The following TNNI3K variants were observed in gnomAD, a reference collection of about 807,000 sequenced individuals.
The protein encoded by TNNI3K is serine/threonine-protein kinase TNNI3K.
TNNI3K carries 140 observed loss-of-function variants against 114.5 expected under a neutral mutation model. The observed-to-expected ratio is 1.22, with a 90% confidence interval of 1.07 to 1.41. The LOEUF (loss-of-function observed/expected upper bound fraction) is 1.41, where lower values mean the gene tolerates loss of function less well. Ranked by LOEUF, TNNI3K falls within the 40% of genes most tolerant of loss-of-function variation. The pLI is 0.00. For synonymous variants in TNNI3K, 347 were observed against 347.5 expected (o/e 1.00, Z 0.02); for missense variants, 1,125 against 1,007.6 (o/e 1.12, Z -1.58).
intron 20 of TNNI3K, among the ~76,000 whole-genome samples, chr1:74,448,709 T>G (rs1666836189): frequency 4.1e-5 from 1 of 24,254 alleles, no homozygotes. Flanking sequence ...TTTCTGCATC[T>G]ATTGAGATAA....
At chr1:74,415,777 T>G (rs550954944) in intron 17 of TNNI3K, among the ~76,000 whole-genome samples, 192 of 152,048 alleles carry the variant, frequency 1.3e-3, no homozygotes, top group African/African-American at 4.5e-3. Context: ...ATATATCCCG[T>G]TCTTGGTTTT....
chr1:74,489,203 T>C lies in TNNI3K; in HGVS notation c.2136T>C (p.Phe712=), dbSNP rs1054250653. 2 of 1,611,408 alleles carry C rather than the reference T, an allele frequency of 1.2e-6. No individual in the cohort carries two copies. The highest frequency in any genetic ancestry group is 1.7e-6 in the Non-Finnish European group (2 of 1,178,922). Residue 712 remains phenylalanine (F), a synonymous_variant, in exon 22 of 25, where the codon TTT becomes TTC. Transcript: ENST00000326637. Reference sequence around the variant, plus strand: ...TCTATTTACAGGGAAGACCCGAATTTTCTGAAGTTGTCATGAAGTTAGAAG... The same window carrying C: ...TCTATTTACAGGGAAGACCCGAATTCTCTGAAGTTGTCATGAAGTTAGAAG... ...WNACPEGRPE[F]SEVVMKLEEC... is the part of the protein sequence containing the mutation.
chr1:74,280,518 G>GGA (rs370404185), intron 5 of TNNI3K, among the ~76,000 whole-genome samples: 1 of 151,938 alleles, frequency 6.6e-6, no homozygotes, highest in African/African-American at 2.4e-5. Flanking sequence ...CATGTGTCTG[G>GGA]GAGAGAGAGA....
At chr1:74,442,300 C>T (rs189205959) in intron 20 of TNNI3K, among the ~76,000 whole-genome samples, 154 of 152,080 alleles carry the variant, frequency 1.0e-3, no homozygotes, top group African/African-American at 3.5e-3. Context: ...TTATTTCCAA[C>T]TCTATTCTGT....
intron 11 of TNNI3K, among the ~76,000 whole-genome samples, chr1:74,357,253 T>C (rs1527683): frequency 0.19 from 28,804 of 152,094 alleles, 2,788 homozygotes; most frequent in Non-Finnish European, 0.2. Context: ...GTTTACCATG[T>C]ACCCTATCCT....
At chr1:74,258,067 A>T (rs1655437937) in intron 4 of TNNI3K, among the ~76,000 whole-genome samples, 1 of 152,184 alleles carries the variant, frequency 6.6e-6, no homozygotes, top group Non-Finnish European at 1.5e-5. Flanking sequence ...TGAATTCCCA[A>T]GTCTCTCAGT....
intron 21 of TNNI3K, among the ~76,000 whole-genome samples, chr1:74,473,137 T>C (rs1668018831): frequency 6.6e-6 from 1 of 152,148 alleles, no homozygotes; most frequent in Non-Finnish European, 1.5e-5. Flanking sequence ...ATTGAGCACA[T>C]GCTAAGAGCT....
intron 17 of TNNI3K, among the ~76,000 whole-genome samples, chr1:74,379,762 T>A (rs1029653530): frequency 6.6e-6 from 1 of 152,128 alleles, no homozygotes; most frequent in African/African-American, 2.4e-5. Context: ...AACATTCTCA[T>A]GACATTTCAC....
At chr1:74,451,685 T>A (rs969140313) in intron 20 of TNNI3K, among the ~76,000 whole-genome samples, 40 of 69,174 alleles carry the variant, frequency 5.8e-4, no homozygotes, top group African/African-American at 1.7e-3. Flanking sequence ...TTCTTTTCTT[T>A]TCTTTCTTTC....
intron 21 of TNNI3K, among the ~76,000 whole-genome samples, chr1:74,476,922 G>A (rs9660478): frequency 0.044 from 6,656 of 152,150 alleles, 334 homozygotes; most frequent in African/African-American, 0.12. Context: ...ATGGAGAATA[G>A]CAGTTTCTGG....
At chr1:74,277,576 A>AAC (rs937818129) in intron 5 of TNNI3K, among the ~76,000 whole-genome samples, 2 of 152,098 alleles carry the variant, frequency 1.3e-5, no homozygotes, top group East Asian at 3.9e-4. Context: ...ATGAGCACAC[A>AAC]ACACACACAC....
At chr1:74,503,723 GTGCCACGATGCCTATCAGT>G (rs1669751547) in intron 23 of TNNI3K, among the ~76,000 whole-genome samples, 1 of 152,214 alleles carries the variant, frequency 6.6e-6, no homozygotes, top group South Asian at 2.1e-4. Context: ...ATCTAAGCAA[GTGCCACGATGCCTATCAGT>G]TGCCTTTTAT....
intron 5 of TNNI3K, among the ~76,000 whole-genome samples, chr1:74,321,262 A>T (rs1659596958): frequency 6.6e-6 from 1 of 152,144 alleles, no homozygotes; most frequent in African/African-American, 2.4e-5. Context: ...TGGTTAACTG[A>T]ACAACACAGA....
intron 17 of TNNI3K, chr1:74,375,897 C>T: frequency 8.2e-6 from 2 of 243,930 alleles, no homozygotes; most frequent in East Asian, 1.7e-4. Flanking sequence ...CAAGGAGAAC[C>T]CACTGAAGGG....
chr1:74,460,699 G>A (rs1168851311), intron 20 of TNNI3K, among the ~76,000 whole-genome samples: 3 of 152,202 alleles, frequency 2.0e-5, no homozygotes, highest in Admixed American at 1.3e-4. Flanking sequence ...CAATCTCAAG[G>A]TGACAAATTT....
intron 7 of TNNI3K, 82 bp downstream of exon 7, chr1:74,336,231 A>T: frequency 6.7e-7 from 1 of 1,482,232 alleles, no homozygotes. Flanking sequence ...CTAGAGAATA[A>T]TCTTGAAGTT....
rs886430752 is a variant in TNNI3K, at chr1:74,533,854, T to C, written c.2352-6380T>C. 3.5e-4 allele frequency among the ~76,000 whole-genome samples: 53 copies of C among 152,156 alleles called. 1 individual carries two copies. The highest frequency in any genetic ancestry group is 4.6e-4 in the Admixed American group (7 of 15,264). On this transcript the variant is annotated intron_variant, in intron 23 of 24. Transcript: ENST00000326637. ...GCATGTTCTCACTCATAGGTGGGAA[T>C]TGAACAATGAGAAGACATGTGCTAT...
Position 74,335,979 on chromosome 1 carries a change from T to G in TNNI3K, c.544-32T>G, listed in dbSNP as rs562611308. 3.9e-6 allele frequency: 6 copies of G among 1,541,010 alleles called. No homozygotes were observed. In the South Asian group the frequency reaches 6.4e-5, roughly 16 times the overall value. On this transcript the variant is annotated intron_variant, in intron 6 of 24. Coordinates refer to ENST00000326637, the MANE Select transcript of TNNI3K (RefSeq NM_015978.3). ...AAGTTTTGCATTATTGTTTGAATTT[T>G]TATACTGATTTCAAATGAATAAATC...
intron 19 of TNNI3K, 131 bp from the exon 20 acceptor site, chr1:74,439,359 A>T (rs1047236659): frequency 1.4e-6 from 2 of 1,405,364 alleles, no homozygotes; most frequent in African/African-American, 2.9e-5. Flanking sequence ...ATATGTATGG[A>T]TGTTAATTTA....
Sources: allele counts gnomAD v4.1 joint callset (sites outside exome capture counted in the v4.1 genomes callset), GRCh38; gene constraint gnomAD v4.1.1; transcripts MANE v1.5; gene names NCBI Gene and HGNC (gene_info 2026-07-23, HGNC 2026-07-21).